HDAC9: variants seen among roughly 807,000 people sequenced by gnomAD.
HDAC9 encodes the protein MEF-2 interacting transcription repressor (MITR) protein.
Under a neutral mutation model 139.4 loss-of-function variants are expected in HDAC9, and 41 were observed. The ratio of observed to expected loss-of-function variants is 0.29; its 90% CI spans 0.23 to 0.38. The LOEUF is 0.38. Ranked by LOEUF, HDAC9 falls within the 10% of genes least tolerant of loss-of-function variation. HDAC9 has a pLI of 1.00. For missense variants in HDAC9, 1,147 were observed against 1,297.0 expected (o/e 0.88, Z 1.78); for synonymous variants, 517 against 476.2 (o/e 1.09, Z -1.12).
chr7:18,782,402 C>T (rs570454406), intron 16 of HDAC9, among the ~76,000 whole-genome samples: 32 of 152,140 alleles, frequency 2.1e-4, no homozygotes, highest in South Asian at 4.1e-4. Context: ...ATTCCCTTTC[C>T]GTTTTAAATA....
intron 1 of HDAC9, among the ~76,000 whole-genome samples, chr7:18,420,677 G>C (rs1384013895): frequency 2.6e-5 from 4 of 152,158 alleles, no homozygotes; most frequent in African/African-American, 9.7e-5. Context: ...TGCAGACTCA[G>C]TGGTGAGAAG....
At chr7:18,976,929 G>GA (rs1784586362) in intron 25 of HDAC9, among the ~76,000 whole-genome samples, 3 of 152,124 alleles carry the variant, frequency 2.0e-5, no homozygotes, top group Non-Finnish European at 4.4e-5. Flanking sequence ...GCACAGGTTG[G>GA]CAATTTTCCC....
In HDAC9 at chr7:18,835,464, T is replaced by A; in HGVS notation, c.2467-3T>A. ...TTTGTCGTCTGTTTTCATTTCCCTG[T>A]AGGATGTTCACCATGGAAACGGTAC... On this transcript the variant is annotated splice_polypyrimidine_tract_variant and splice_region_variant and intron_variant, in intron 19 of 25. Coordinates refer to ENST00000686413, the MANE Select transcript of HDAC9 (RefSeq NM_178425.4). The A allele has an allele frequency of 6.2e-7, 1 of 1,612,498 alleles. No individual in the cohort carries two copies. The highest frequency in any genetic ancestry group is 8.5e-7 in the Non-Finnish European group (1 of 1,178,974).
At chr7:18,693,443 GGTGTGTTT>G (rs1303818686) in intron 12 of HDAC9, among the ~76,000 whole-genome samples, 2 of 152,088 alleles carry the variant, frequency 1.3e-5, no homozygotes, top group African/African-American at 4.8e-5. Flanking sequence ...GGACATATTT[GGTGTGTTT>G]GTTTAACTAA....
At chr7:18,877,152 T>G (rs1255562317) in intron 22 of HDAC9, among the ~76,000 whole-genome samples, 1 of 152,182 alleles carries the variant, frequency 6.6e-6, no homozygotes, top group Non-Finnish European at 1.5e-5. Flanking sequence ...CTGTATATAT[T>G]ATTTCATGGA....
At chr7:18,883,585 T>C (rs1799895846) in intron 22 of HDAC9, among the ~76,000 whole-genome samples, 1 of 152,048 alleles carries the variant, frequency 6.6e-6, no homozygotes. Flanking sequence ...TACATCATAC[T>C]CAATGGTGAA....
At chr7:18,844,928 A>G (rs1796812219) in intron 21 of HDAC9, among the ~76,000 whole-genome samples, 1 of 152,126 alleles carries the variant, frequency 6.6e-6, no homozygotes, top group South Asian at 2.1e-4. Context: ...TAAAATGAAA[A>G]CAGCACTGTA....
intron 1 of HDAC9, among the ~76,000 whole-genome samples, chr7:18,410,117 T>A (rs535441006): frequency 2.6e-5 from 4 of 152,304 alleles, no homozygotes; most frequent in East Asian, 1.9e-4. Flanking sequence ...TTCTTCACTC[T>A]CTTGGTAAAT....
At chr7:18,843,591 T>G (rs572726020) in intron 21 of HDAC9, among the ~76,000 whole-genome samples, 6 of 152,238 alleles carry the variant, frequency 3.9e-5, no homozygotes, top group African/African-American at 1.4e-4. Context: ...CAATTAAAAG[T>G]TACTTATCCT....
chr7:18,765,134 CCAGT>C (rs2129159404), intron 15 of HDAC9, among the ~76,000 whole-genome samples: 1 of 152,164 alleles, frequency 6.6e-6, no homozygotes, highest in South Asian at 2.1e-4. Context: ...AAAAATAAAT[CCAGT>C]CAGTTTGGTG....
chr7:18,323,353 C>A (rs988895770), intron 1 of HDAC9, among the ~76,000 whole-genome samples: 1 of 152,152 alleles, frequency 6.6e-6, no homozygotes, highest in Admixed American at 6.5e-5. Context: ...ACTTGTTGGC[C>A]CAGTTCTTGG....
intron 3 of HDAC9, among the ~76,000 whole-genome samples, chr7:18,588,463 T>G (rs1830050340): frequency 6.6e-6 from 1 of 152,152 alleles, no homozygotes; most frequent in African/African-American, 2.4e-5. Flanking sequence ...TTCATTTATA[T>G]TTCATATACA....
intron 2 of HDAC9, among the ~76,000 whole-genome samples, chr7:18,238,840 A>G (rs1383880141): frequency 6.6e-6 from 1 of 152,224 alleles, no homozygotes; most frequent in Non-Finnish European, 1.5e-5. Flanking sequence ...TAATCTAATA[A>G]TTAATTGTCT....
At chr7:18,573,305 C>T (rs1162487159) in intron 2 of HDAC9, among the ~76,000 whole-genome samples, 1 of 152,140 alleles carries the variant, frequency 6.6e-6, no homozygotes, top group East Asian at 1.9e-4. Context: ...TTTAGTAATT[C>T]TTTTTATTCC....
At chr7:18,098,171 C>T (rs1202559956) in intron 1 of HDAC9, among the ~76,000 whole-genome samples, 5 of 152,174 alleles carry the variant, frequency 3.3e-5, no homozygotes, top group Admixed American at 6.5e-5. Flanking sequence ...TCCGTGAAAT[C>T]GATACTACAG....
chr7:18,909,259 T>C (rs1416384676), intron 22 of HDAC9, among the ~76,000 whole-genome samples: 3 of 151,888 alleles, frequency 2.0e-5, no homozygotes, highest in Non-Finnish European at 2.9e-5. Flanking sequence ...TTTATTTTGC[T>C]GATGAGTTGT....
Position 18,571,629 on chromosome 7 carries a change from TA to T in HDAC9, c.23-13651del, listed in dbSNP as rs200654054. On this transcript the variant is annotated intron_variant, in intron 2 of 25. Coordinates refer to ENST00000686413, the MANE Select transcript of HDAC9 (RefSeq NM_178425.4). ...AAACTTTATTTTATTTTTTATTTTT[TA>T]TTTTTTTTTTTGGTAATAAAGATTT... is the stretch of plus-strand genomic sequence containing the variant. Among the ~76,000 whole-genome samples, 556 of 151,278 alleles carry T rather than the reference TA, an allele frequency of 3.7e-3. 2 individuals carry two copies. The highest frequency in any genetic ancestry group is 0.013 in the African/African-American group (524 of 40,808).
intron 2 of HDAC9, among the ~76,000 whole-genome samples, chr7:18,584,077 G>A (rs1233852628): frequency 6.6e-6 from 1 of 151,144 alleles, no homozygotes; most frequent in Middle Eastern, 3.2e-3. Context: ...TAAATAAATG[G>A]TACACCTGGA....
At chr7:18,948,802 A>C (rs1233774945) in intron 23 of HDAC9, 1 of 184,622 alleles carries the variant, frequency 5.4e-6, no homozygotes, top group Non-Finnish European at 1.1e-5. Context: ...ATGGTATGTA[A>C]ATTTCTCACT....
Sources: allele counts gnomAD v4.1 joint callset (sites outside exome capture counted in the v4.1 genomes callset), GRCh38; gene constraint gnomAD v4.1.1; transcripts MANE v1.5; gene names NCBI Gene and HGNC (gene_info 2026-07-23, HGNC 2026-07-21).